OPCML: variants seen among roughly 807,000 people sequenced by gnomAD.
OPCML encodes opioid-binding protein/cell adhesion molecule.
A neutral mutation model predicts 37.8 loss-of-function variants in OPCML; 13 were observed. The ratio of observed to expected loss-of-function variants is 0.34; its 90% CI spans 0.22 to 0.55. The LOEUF is 0.55. OPCML is among the 20% of genes least tolerant of loss of function. The pLI is 0.91. For missense variants in OPCML, 341 were observed against 435.6 expected, an observed-to-expected ratio of 0.78 and a Z score of 1.93; for synonymous variants, 176 against 168.8, an observed-to-expected ratio of 1.04 and a Z score of -0.33.
At chr11:132,662,816 A>C (rs968943264) in intron 2 of OPCML, among the ~76,000 whole-genome samples, 12 of 152,370 alleles carry the variant, frequency 7.9e-5, no homozygotes, top group African/African-American at 2.6e-4. Context: ...ATACAGGCAC[A>C]GATAGCTGCA....
At chr11:133,175,235 A>G (rs1202113879) in intron 1 of OPCML, among the ~76,000 whole-genome samples, 1 of 152,196 alleles carries the variant, frequency 6.6e-6, no homozygotes, top group Non-Finnish European at 1.5e-5. Flanking sequence ...GAAGAAGACC[A>G]CAGCTCAATT....
At chr11:132,892,575 T>A (rs1479393701) in intron 2 of OPCML, among the ~76,000 whole-genome samples, 1 of 152,132 alleles carries the variant, frequency 6.6e-6, no homozygotes, top group East Asian at 1.9e-4. Context: ...GAGGCTAGCC[T>A]GGCCAACATG....
chr11:132,555,798 G>C (rs763645236), intron 3 of OPCML, among the ~76,000 whole-genome samples: 52 of 152,124 alleles, frequency 3.4e-4, no homozygotes, highest in Non-Finnish European at 5.7e-4. Flanking sequence ...AATGGCTTTT[G>C]TGATCTTAAC....
chr11:133,312,629 G>A (rs550086511), intron 1 of OPCML, among the ~76,000 whole-genome samples: 2 of 152,310 alleles, frequency 1.3e-5, no homozygotes, highest in African/African-American at 4.8e-5. Flanking sequence ...CAAAGAAAGT[G>A]TATTGTCTCA....
At chr11:133,249,216 G>A (rs1941047716) in intron 1 of OPCML, among the ~76,000 whole-genome samples, 1 of 152,146 alleles carries the variant, frequency 6.6e-6, no homozygotes, top group African/African-American at 2.4e-5. Context: ...GCCAGCATTT[G>A]CTTCTGGTAG....
intron 3 of OPCML, among the ~76,000 whole-genome samples, chr11:132,639,047 C>T (rs1379899495): frequency 6.6e-6 from 1 of 151,986 alleles, no homozygotes; most frequent in African/African-American, 2.4e-5. Context: ...TTCTTGTAGC[C>T]ACGTGATGAT....
intron 1 of OPCML, among the ~76,000 whole-genome samples, chr11:133,340,432 G>A (rs542496296): frequency 1.3e-5 from 2 of 152,116 alleles, no homozygotes; most frequent in Non-Finnish European, 2.9e-5. Flanking sequence ...AGTCTTTCAA[G>A]CCTGTACTTT....
chr11:133,361,915 C>T (rs1339325590), intron 1 of OPCML: 2 of 152,282 alleles, frequency 1.3e-5, no homozygotes, highest in East Asian at 1.9e-4. Context: ...CCCGACAAAC[C>T]TTTGCAGCGC....
At chr11:133,399,595 C>T (rs963758477) in intron 1 of OPCML, among the ~76,000 whole-genome samples, 3 of 152,080 alleles carry the variant, frequency 2.0e-5, no homozygotes, top group African/African-American at 7.2e-5. Context: ...CAGCGAACAA[C>T]ACAAACACAC....
intron 1 of OPCML, among the ~76,000 whole-genome samples, chr11:133,489,505 T>C (rs1270041656): frequency 6.6e-6 from 1 of 152,154 alleles, no homozygotes; most frequent in Non-Finnish European, 1.5e-5. Context: ...ATCAGAGAAA[T>C]GTACATTAAA....
chr11:133,013,123 T>C (rs1251386034), intron 1 of OPCML, among the ~76,000 whole-genome samples: 1 of 152,220 alleles, frequency 6.6e-6, no homozygotes, highest in Non-Finnish European at 1.5e-5. Context: ...GTAGAACTCA[T>C]ACTAGGACCA....
At chr11:132,594,130 C>A (rs1337794436) in intron 3 of OPCML, among the ~76,000 whole-genome samples, 1 of 152,180 alleles carries the variant, frequency 6.6e-6, no homozygotes, top group Non-Finnish European at 1.5e-5. Context: ...GCCTACAAAG[C>A]AACATCCAAA....
intron 2 of OPCML, among the ~76,000 whole-genome samples, chr11:132,862,646 T>C (rs1942354492): frequency 6.6e-6 from 1 of 152,134 alleles, no homozygotes; most frequent in Non-Finnish European, 1.5e-5. Context: ...CTGAGAAAGA[T>C]GGTGGGCTGG....
chr11:133,310,426 A>C (rs1943039864), intron 1 of OPCML, among the ~76,000 whole-genome samples: 1 of 152,186 alleles, frequency 6.6e-6, no homozygotes, highest in South Asian at 2.1e-4. Context: ...CATTTCCCTT[A>C]GTTTAAAAAT....
intron 1 of OPCML, among the ~76,000 whole-genome samples, chr11:133,125,991 T>C: frequency 6.7e-6 from 1 of 148,868 alleles, no homozygotes; most frequent in South Asian, 2.1e-4. Flanking sequence ...TAGACACACG[T>C]ATATATACAT....
chr11:133,444,077 T>A (rs1946420521), intron 1 of OPCML, among the ~76,000 whole-genome samples: 1 of 152,126 alleles, frequency 6.6e-6, no homozygotes, highest in Non-Finnish European at 1.5e-5. Context: ...CTATTTGCAC[T>A]GGAAACCTCT....
At chr11:132,442,910 C>T (rs151103696) in intron 4 of OPCML, among the ~76,000 whole-genome samples, 206 of 152,216 alleles carry the variant, frequency 1.4e-3, no homozygotes, top group Non-Finnish European at 2.5e-3. Context: ...TTATTAGCAG[C>T]GTAAGAACAG....
chr11:133,143,605 G>A (rs555043917), intron 1 of OPCML, among the ~76,000 whole-genome samples: 10 of 152,300 alleles, frequency 6.6e-5, no homozygotes. Context: ...AATAACTAAT[G>A]CACTGTTCAA....
At chr11:132,785,724 C>T (rs1390957877) in intron 2 of OPCML, among the ~76,000 whole-genome samples, 1 of 152,160 alleles carries the variant, frequency 6.6e-6, no homozygotes, top group Non-Finnish European at 1.5e-5. Flanking sequence ...TTAGGACCCA[C>T]TCCAGACCTC....
Sources: gnomAD v4.1 joint callset for allele counts (sites outside exome capture counted in the v4.1 genomes callset) on GRCh38, gnomAD v4.1.1 for gene constraint, MANE v1.5 for transcripts, NCBI Gene and HGNC (gene_info 2026-07-23, HGNC 2026-07-21) for gene names.